PEX5L: variants seen among roughly 807,000 people sequenced by gnomAD.
The protein encoded by PEX5L is PEX5-related protein.
In PEX5L, 30 loss-of-function variants were observed where a neutral mutation model predicts 84.0. That is an observed-to-expected ratio of 0.36 (90% CI 0.27 to 0.48). The LOEUF (loss-of-function observed/expected upper bound fraction) is 0.48, where lower values mean the gene tolerates loss of function less well. Ranked by LOEUF, PEX5L falls within the 20% of genes least tolerant of loss-of-function variation. The pLI, the probability that PEX5L is intolerant of heterozygous loss-of-function variation, is 0.99. For missense variants in PEX5L, 533 were observed against 754.6 expected (o/e 0.71, Z 3.44); for synonymous variants, 270 against 283.1 (o/e 0.95, Z 0.46).
chr3:179,956,499 AT>A (rs1233247096), intron 2 of PEX5L, among the ~76,000 whole-genome samples: 1 of 152,072 alleles, frequency 6.6e-6, no homozygotes, highest in Non-Finnish European at 1.5e-5. Context: ...TCTAGAGTGT[AT>A]TTTTTGGGCA....
In PEX5L at chr3:179,933,948, T is replaced by C. The variant is rs751605880; in HGVS notation, c.94-35702A>G. 3.3e-5 allele frequency among the ~76,000 whole-genome samples: 5 copies of C among 152,224 alleles called. No homozygotes were observed. The East Asian group carries it at 9.6e-4, about 29-fold the overall frequency. ...TTGTGACCCACTCTGACATGCCTGATGGCAGAACACTTCTCTAGCTGGGAA... is the reference window on the plus strand; with the variant it reads ...TTGTGACCCACTCTGACATGCCTGACGGCAGAACACTTCTCTAGCTGGGAA... On this transcript the variant is annotated intron_variant, in intron 2 of 14. Transcript: ENST00000467460.
At chr3:179,915,314 C>T (rs374503165) in intron 2 of PEX5L, among the ~76,000 whole-genome samples, 1 of 152,180 alleles carries the variant, frequency 6.6e-6, no homozygotes, top group African/African-American at 2.4e-5. Context: ...TTGAATTTTA[C>T]CGTGCAGTAG....
chr3:179,985,003 T>C (rs1786674596), intron 1 of PEX5L, among the ~76,000 whole-genome samples: 3 of 152,132 alleles, frequency 2.0e-5, no homozygotes, highest in Non-Finnish European at 4.4e-5. Flanking sequence ...TCCCGTGCTC[T>C]TTTTTTACCT....
Position 179,954,217 on chromosome 3 carries a change from A to ATGG in PEX5L, c.93+17376_93+17377insCCA, listed in dbSNP as rs1560896534. Among the ~76,000 whole-genome samples, 11 of 105,278 alleles carry ATGG rather than the reference A, an allele frequency of 1.0e-4. 1 individual carries two copies. The highest frequency in any genetic ancestry group is 3.8e-4 in the African/African-American group (11 of 29,006). 69.1% of individuals were successfully genotyped at this position (105,278 alleles called of 152,430 possible). A position where few individuals can be genotyped will look rare whatever the true frequency, so the allele number is the denominator to read the frequency against. On this transcript the variant is annotated intron_variant, in intron 2 of 14. Transcript: ENST00000467460. ...TTAACCATTAGTCGGGGGGGGGGGA[A>ATGG]AAAGTCAGCCATGAGTAAAAGGGCT...
intron 1 of PEX5L, among the ~76,000 whole-genome samples, chr3:179,986,185 T>C (rs1269928791): frequency 6.8e-6 from 1 of 147,184 alleles, no homozygotes; most frequent in Admixed American, 6.7e-5. Flanking sequence ...TATATATAAC[T>C]TTATGTTTAT....
intron 14 of PEX5L, among the ~76,000 whole-genome samples, chr3:179,805,375 A>G (rs1720905108): frequency 6.6e-6 from 1 of 151,864 alleles, no homozygotes; most frequent in Non-Finnish European, 1.5e-5. Flanking sequence ...GGTTTCATGA[A>G]CCCCTGAGAA....
At chr3:179,954,251 C>T (rs6804648) in intron 2 of PEX5L, among the ~76,000 whole-genome samples, 107,646 of 150,322 alleles carry the variant, frequency 0.72, 39,169 homozygotes, top group East Asian at 0.89. Context: ...CTTCAGCACT[C>T]TCAGAATGGG....
intron 2 of PEX5L, among the ~76,000 whole-genome samples, chr3:179,946,252 AG>A (rs1001381308): frequency 7.6e-4 from 116 of 152,304 alleles, no homozygotes; most frequent in African/African-American, 2.7e-3. Flanking sequence ...TGTATAATAT[AG>A]AGTAAGTGAA....
chr3:179,892,987 G>A (rs1229300746), intron 3 of PEX5L, among the ~76,000 whole-genome samples: 1 of 152,066 alleles, frequency 6.6e-6, no homozygotes, highest in Non-Finnish European at 1.5e-5. Flanking sequence ...ACCCTTAAGT[G>A]GTCAACTGAC....
intron 2 of PEX5L, among the ~76,000 whole-genome samples, chr3:179,921,199 A>ATT (rs1364644021): frequency 2.0e-5 from 3 of 152,138 alleles, no homozygotes; most frequent in African/African-American, 7.2e-5. Flanking sequence ...GGGATTTTTT[A>ATT]GGACTCTAGT....
chr3:179,964,838 T>TA (rs1173661147), intron 2 of PEX5L, among the ~76,000 whole-genome samples: 1 of 152,212 alleles, frequency 6.6e-6, no homozygotes, highest in East Asian at 1.9e-4. Context: ...ATAAAGCACT[T>TA]ACCGCACGCT....
intron 2 of PEX5L, among the ~76,000 whole-genome samples, chr3:179,941,813 G>A (rs563383883): frequency 6.6e-6 from 1 of 152,176 alleles, no homozygotes; most frequent in Admixed American, 6.5e-5. Context: ...ACGAGGTCAG[G>A]AGTTCGAGAC....
chr3:180,036,530 C>G, intron 1 of PEX5L, 49 bp downstream of exon 1: 1 of 1,588,754 alleles, frequency 6.3e-7, no homozygotes, highest in Non-Finnish European at 8.6e-7. Flanking sequence ...CCGCCTTGCT[C>G]TTAAATTAGC....
At chr3:179,961,195 ATGTGTATGTGTGTG>A (rs1243350640) in intron 2 of PEX5L, among the ~76,000 whole-genome samples, 4 of 139,914 alleles carry the variant, frequency 2.9e-5, no homozygotes, top group East Asian at 2.2e-4. Context: ...TCACTTGTGT[ATGTGTATGTGTGTG>A]TGTGTGTGTG....
intron 7 of PEX5L, among the ~76,000 whole-genome samples, chr3:179,872,960 G>C (rs1335937924): frequency 2.0e-5 from 3 of 152,282 alleles, no homozygotes; most frequent in Non-Finnish European, 2.9e-5. Context: ...GGTTTGCAGG[G>C]CTATTTATTC....
intron 5 of PEX5L, among the ~76,000 whole-genome samples, chr3:179,879,588 A>G (rs1426966741): frequency 1.3e-5 from 2 of 152,214 alleles, no homozygotes; most frequent in African/African-American, 4.8e-5. Flanking sequence ...TTCGTTACTC[A>G]CAAGTCCCTC....
At chr3:179,928,354 G>A (rs957473278) in intron 2 of PEX5L, among the ~76,000 whole-genome samples, 1 of 152,080 alleles carries the variant, frequency 6.6e-6, no homozygotes, top group African/African-American at 2.4e-5. Flanking sequence ...ATCCAACTGG[G>A]AACACCTGTA....
chr3:179,830,783 C>CA (rs1412575342), intron 8 of PEX5L, among the ~76,000 whole-genome samples: 1 of 152,076 alleles, frequency 6.6e-6, no homozygotes, highest in African/African-American at 2.4e-5. Flanking sequence ...AGAGGCTCCC[C>CA]AAAAATGCCA....
chr3:179,965,224 T>C (rs371045528), intron 2 of PEX5L, among the ~76,000 whole-genome samples: 17 of 152,332 alleles, frequency 1.1e-4, no homozygotes, highest in African/African-American at 3.6e-4. Flanking sequence ...AATGTCATGA[T>C]ACCACAACCA....
Sources: allele counts gnomAD v4.1 joint callset (sites outside exome capture counted in the v4.1 genomes callset), GRCh38; gene constraint gnomAD v4.1.1; transcripts MANE v1.5; gene names NCBI Gene and HGNC (gene_info 2026-07-23, HGNC 2026-07-21).